N4BP2L2: variants seen among roughly 807,000 people sequenced by gnomAD.
The protein encoded by N4BP2L2 is NEDD4 binding protein 2 like 2.
In N4BP2L2, 50 loss-of-function variants were observed where a neutral mutation model predicts 56.2. The ratio of observed to expected loss-of-function variants is 0.89; its 90% CI spans 0.71 to 1.13. N4BP2L2 has a LOEUF of 1.13. Ranked by LOEUF, N4BP2L2 falls within the 50% of genes most tolerant of loss-of-function variation. The pLI, the probability that N4BP2L2 is intolerant of heterozygous loss-of-function variation, is 0.00. For missense variants in N4BP2L2, 689 were observed against 693.8 expected (o/e 0.99, Z 0.08); for synonymous variants, 203 against 223.6 (o/e 0.91, Z 0.82).
chr13:32,471,134 C>T (rs1483846885), intron 6 of N4BP2L2, among the ~76,000 whole-genome samples: 2 of 152,122 alleles, frequency 1.3e-5, no homozygotes, highest in African/African-American at 4.8e-5. Flanking sequence ...ATGTAACGGG[C>T]CTGTGTGTCC....
chr13:32,449,602 A>G (rs2077570900), intron 6 of N4BP2L2, among the ~76,000 whole-genome samples: 1 of 152,220 alleles, frequency 6.6e-6, no homozygotes, highest in African/African-American at 2.4e-5. Context: ...ATTTTTTTCA[A>G]TGAACTAACC....
At chr13:32,536,258 C>T (rs1244806566) in exon 2 of N4BP2L2, 4 of 1,613,628 alleles carry the variant, frequency 2.5e-6, no homozygotes, top group Admixed American at 1.7e-5. Context: ...TGAAGTGTCA[C>T]AAAATGTAGG....
chr13:32,458,037 T>G (rs188858522), intron 6 of N4BP2L2, among the ~76,000 whole-genome samples: 17 of 152,094 alleles, frequency 1.1e-4, no homozygotes, highest in Admixed American at 1.0e-3. Flanking sequence ...GATTTGTTTT[T>G]TGTTTTGTTT....
At chr13:32,447,460 A>T (rs533349104) in intron 6 of N4BP2L2, among the ~76,000 whole-genome samples, 1 of 152,220 alleles carries the variant, frequency 6.6e-6, no homozygotes, top group African/African-American at 2.4e-5. Context: ...ACTGTTTTGA[A>T]GGAAAAATAA....
In N4BP2L2 at chr13:32,530,191, C is replaced by A. The variant is rs114899407; in HGVS notation, c.1260-2659G>T. 4.3e-3 allele frequency among the ~76,000 whole-genome samples: 647 copies of A among 152,208 alleles called. 5 individuals are homozygous for A. The highest frequency in any genetic ancestry group is 0.015 in the African/African-American group (625 of 41,538). On this transcript the variant is annotated intron_variant, in intron 2 of 5. Coordinates refer to ENST00000267068, the Ensembl canonical transcript of N4BP2L2. ...CATATGAACAAATCTCTATAAAGAA[C>A]ATTTTCTTAAATATATAAATCATAA... is the stretch of plus-strand genomic sequence containing the variant.
intron 6 of N4BP2L2, among the ~76,000 whole-genome samples, chr13:32,481,553 C>T (rs955695792): frequency 2.0e-5 from 3 of 152,114 alleles, no homozygotes; most frequent in East Asian, 1.9e-4. Context: ...GAGTAGTATA[C>T]GTATGTACAT....
At chr13:32,487,606 A>C (rs2086171083) in intron 6 of N4BP2L2, among the ~76,000 whole-genome samples, 1 of 149,312 alleles carries the variant, frequency 6.7e-6, no homozygotes, top group Non-Finnish European at 1.5e-5. Context: ...CGGGAGGAAG[A>C]GGTTGCAGTG....
chr13:32,504,371 C>G (rs1593926979), intron 6 of N4BP2L2: 1 of 152,186 alleles, frequency 6.6e-6, no homozygotes, highest in African/African-American at 2.4e-5. Flanking sequence ...TCTCAGGCCT[C>G]CCTCCTCAGT....
intron 6 of N4BP2L2, among the ~76,000 whole-genome samples, chr13:32,485,886 T>G (rs1361673161): frequency 6.6e-6 from 1 of 152,086 alleles, no homozygotes; most frequent in Non-Finnish European, 1.5e-5. Context: ...CTGGGCAATA[T>G]AGTGAGACCT....
At chr13:32,460,254 A>ATGCT (rs1383479811) in intron 6 of N4BP2L2, among the ~76,000 whole-genome samples, 2 of 152,186 alleles carry the variant, frequency 1.3e-5, no homozygotes, top group African/African-American at 4.8e-5. Flanking sequence ...CAAGACAAGG[A>ATGCT]TGCTCACCTT....
intron 2 of N4BP2L2, among the ~76,000 whole-genome samples, chr13:32,530,601 A>T (rs989044298): frequency 6.6e-6 from 1 of 152,186 alleles, no homozygotes; most frequent in African/African-American, 2.4e-5. Flanking sequence ...AGCCTATTTT[A>T]TGTCAAACAT....
At chr13:32,470,294 TG>T (rs1279077380) in intron 6 of N4BP2L2, among the ~76,000 whole-genome samples, 1 of 152,148 alleles carries the variant, frequency 6.6e-6, no homozygotes, top group Admixed American at 6.5e-5. Context: ...GTTGCGGTGG[TG>T]TCATAGTCTT....
chr13:32,524,744 A>G (rs2052156126), intron 3 of N4BP2L2: 1 of 151,354 alleles, frequency 6.6e-6, no homozygotes, highest in Non-Finnish European at 1.5e-5. Flanking sequence ...ATTTTAATGA[A>G]ATATTCTGTA....
intron 6 of N4BP2L2, among the ~76,000 whole-genome samples, chr13:32,486,236 C>A (rs1489635789): frequency 6.6e-6 from 1 of 152,040 alleles, no homozygotes; most frequent in Non-Finnish European, 1.5e-5. Flanking sequence ...CTCACCATTT[C>A]TATTCAACAT....
chr13:32,458,632 T>C (rs997716245), intron 6 of N4BP2L2, among the ~76,000 whole-genome samples: 3 of 152,134 alleles, frequency 2.0e-5, no homozygotes, highest in Non-Finnish European at 4.4e-5. Context: ...CACCCAGATA[T>C]ATAAAGCTAA....
chr13:32,501,883 C>G (rs1294914742), intron 6 of N4BP2L2, among the ~76,000 whole-genome samples: 1 of 151,454 alleles, frequency 6.6e-6, no homozygotes, highest in Non-Finnish European at 1.5e-5. Context: ...ATCATACCAA[C>G]AGTCTATGCA....
chr13:32,446,409 GAA>G, intron 6 of N4BP2L2: 1 of 1,363,658 alleles, frequency 7.3e-7, no homozygotes, highest in Non-Finnish European at 9.8e-7. Flanking sequence ...TGTCAGTTAT[GAA>G]ATTCATCCTG....
chr13:32,474,701 C>G (rs891604876), intron 6 of N4BP2L2, among the ~76,000 whole-genome samples: 1 of 151,976 alleles, frequency 6.6e-6, no homozygotes, highest in Non-Finnish European at 1.5e-5. Context: ...CCCCAGCCAC[C>G]GCACTAAAAT....
chr13:32,478,105 T>C (rs1320833830), intron 6 of N4BP2L2: 8 of 1,252,526 alleles, frequency 6.4e-6, no homozygotes, highest in Admixed American at 2.4e-5. Flanking sequence ...AATGAAGATA[T>C]GCATTATAAA....
Sources: gnomAD v4.1 joint callset for allele counts (sites outside exome capture counted in the v4.1 genomes callset) on GRCh38, gnomAD v4.1.1 for gene constraint, MANE v1.5 for transcripts, NCBI Gene and HGNC (gene_info 2026-07-23, HGNC 2026-07-21) for gene names.